DNAAF4: variants seen among roughly 807,000 people sequenced by gnomAD.
DNAAF4 encodes the protein dynein assembly factor 4, axonemal.
In DNAAF4, 43 loss-of-function variants were observed where a neutral mutation model predicts 51.8. The observed-to-expected ratio is 0.83, with a 90% CI of 0.65 to 1.07. The LOEUF (loss-of-function observed/expected upper bound fraction) is 1.07. Ranked by LOEUF, DNAAF4 falls within the 50% of genes least tolerant of loss-of-function variation. The pLI is 0.00. For synonymous variants in DNAAF4, 194 were observed against 165.6 expected (o/e 1.17, Z -1.32); for missense variants, 581 against 493.0 (o/e 1.18, Z -1.69).
chr15:55,502,621 T>C (rs2058705505), intron 1 of DNAAF4, among the ~76,000 whole-genome samples: 1 of 152,192 alleles, frequency 6.6e-6, no homozygotes, highest in African/African-American at 2.4e-5. Flanking sequence ...GAAGATATTT[T>C]TTCTTCCCTA....
At chr15:55,435,899 C>G (rs926039552) in intron 7 of DNAAF4, among the ~76,000 whole-genome samples, 12 of 152,116 alleles carry the variant, frequency 7.9e-5, no homozygotes, top group Non-Finnish European at 4.4e-5. Context: ...AACGATTCTC[C>G]TGCGTCAGCC....
chr15:55,464,090 G>A (rs1185242596), intron 5 of DNAAF4, among the ~76,000 whole-genome samples: 1 of 152,208 alleles, frequency 6.6e-6, no homozygotes, highest in Non-Finnish European at 1.5e-5. Flanking sequence ...AAACAGTATA[G>A]TACTGGTATA....
At chr15:55,422,698 CAG>C (rs2057398346) in intron 7 of DNAAF4, among the ~76,000 whole-genome samples, 1 of 152,092 alleles carries the variant, frequency 6.6e-6, no homozygotes, top group Admixed American at 6.6e-5. Context: ...TGACTTCAAA[CAG>C]AATTATTTCA....
intron 4 of DNAAF4, among the ~76,000 whole-genome samples, chr15:55,485,670 T>A (rs1215452525): frequency 6.6e-6 from 1 of 150,716 alleles, no homozygotes; most frequent in Non-Finnish European, 1.5e-5. Context: ...TAGAAGTGGG[T>A]AATGTACAGA....
Position 55,491,348 on chromosome 15 carries a change from T to G in DNAAF4, c.272-92A>C, listed in dbSNP as rs980180971. The G allele has an allele frequency of 3.8e-6, 5 of 1,310,316 alleles. No individual in the cohort carries two copies. In the Admixed American group the frequency reaches 1.3e-4, roughly 33 times the overall value. The allele number at this position is 1,310,316 out of a possible 1,614,324, so 81.2% of individuals were successfully genotyped here. A position where few individuals can be genotyped will look rare whatever the true frequency, so the allele number is the denominator to read the frequency against. On this transcript the variant is annotated intron_variant, in intron 3 of 9. Coordinates refer to ENST00000321149, the MANE Select transcript of DNAAF4 (RefSeq NM_130810.4). ...TTAAATAAACTGACCCAGGATGAGA[T>G]TTCTTTGTACCCAACTTCACAAGGA...
chr15:55,490,089 G>A (rs2058549968), intron 4 of DNAAF4, among the ~76,000 whole-genome samples: 1 of 152,130 alleles, frequency 6.6e-6, no homozygotes, highest in East Asian at 1.9e-4. Context: ...GGCCAGGCTG[G>A]TGTTGAACTA....
At chr15:55,455,530 C>G (rs546424718) in intron 5 of DNAAF4, among the ~76,000 whole-genome samples, 1 of 151,736 alleles carries the variant, frequency 6.6e-6, no homozygotes, top group South Asian at 2.1e-4. Context: ...CTCCTGGGTT[C>G]AAGTGATTCT....
intron 1 of DNAAF4, among the ~76,000 whole-genome samples, chr15:55,501,677 G>T (rs932751710): frequency 6.6e-6 from 1 of 151,576 alleles, no homozygotes; most frequent in Non-Finnish European, 1.5e-5. Context: ...GCCGGGCCAG[G>T]ATTTCTTAAA....
At chr15:55,467,317 A>C (rs943917542) in intron 4 of DNAAF4, among the ~76,000 whole-genome samples, 156 bp from the exon 5 acceptor site, 1 of 152,170 alleles carries the variant, frequency 6.6e-6, no homozygotes, top group Non-Finnish European at 1.5e-5. Flanking sequence ...TAAAATGGGA[A>C]AGGTAAATGA....
At chr15:55,469,737 A>G (rs1015379959) in intron 4 of DNAAF4, among the ~76,000 whole-genome samples, 6 of 151,606 alleles carry the variant, frequency 4.0e-5, no homozygotes, top group Middle Eastern at 6.9e-3. Context: ...TGATCCGCCC[A>G]CCTTGACCTC....
At chr15:55,419,271 CTGGAATGCAGTGGCATGATCA>C (rs1459527971) in intron 7 of DNAAF4, among the ~76,000 whole-genome samples, 1 of 151,936 alleles carries the variant, frequency 6.6e-6, no homozygotes, top group African/African-American at 2.4e-5. Context: ...CTCACCCAAG[CTGGAATGCAGTGGCATGATCA>C]TGGTTCACTG....
chr15:55,417,956 G>A (rs1196691626), exon 8 of DNAAF4: 1 of 606,260 alleles, frequency 1.6e-6, no homozygotes, highest in Non-Finnish European at 2.8e-6. Context: ...TGAGCCAGGA[G>A]AAGGAATTTC....
intron 6 of DNAAF4, chr15:55,443,430 C>T (rs1044794915): frequency 1.5e-5 from 9 of 597,226 alleles, no homozygotes; most frequent in Admixed American, 6.0e-5. Context: ...GCCACATTTT[C>T]TTAATCCAGT....
chr15:55,446,670 C>T (rs1200743919), intron 6 of DNAAF4, among the ~76,000 whole-genome samples: 2 of 149,562 alleles, frequency 1.3e-5, no homozygotes, highest in Non-Finnish European at 1.5e-5. Flanking sequence ...CAGAGGCGCT[C>T]CTCACATCCC....
Position 55,467,171 on chromosome 15 carries a change from T to G in DNAAF4, c.406-10A>C. The stretch of plus-strand genomic sequence containing the variant: ...TCTCTTCTTCTTCAATCTATAACAA[T>G]TGCAATTACCAAATTCTTTAAAATA... On this transcript the variant is annotated splice_polypyrimidine_tract_variant and intron_variant, in intron 4 of 9. Coordinates refer to ENST00000321149, the MANE Select transcript of DNAAF4 (RefSeq NM_130810.4). The G allele has an allele frequency of 6.6e-7, 1 of 1,509,802 alleles. No individual in the cohort carries two copies. Among genetic ancestry groups the G allele is most frequent in the South Asian group, 1.3e-5 (1 of 79,414 alleles). 93.5% of individuals were successfully genotyped at this position (1,509,802 alleles called of 1,614,324 possible).
chr15:55,432,455 G>C (rs200355747), intron 9 of DNAAF4, 42 bp downstream of exon 9: 1 of 1,483,012 alleles, frequency 6.7e-7, no homozygotes, highest in South Asian at 1.2e-5. Flanking sequence ...ATTTTTTTCA[G>C]AGTATAACTT....
intron 4 of DNAAF4, among the ~76,000 whole-genome samples, chr15:55,469,704 A>C (rs1595927551): frequency 6.6e-6 from 1 of 151,100 alleles, no homozygotes; most frequent in African/African-American, 2.4e-5. Flanking sequence ...GTTAGCCAGG[A>C]TGGTCTCGAT....
At chr15:55,443,458 T>C (rs373116644) in intron 6 of DNAAF4, 2 of 576,476 alleles carry the variant, frequency 3.5e-6, no homozygotes, top group South Asian at 2.2e-5. Flanking sequence ...TGATGGACAT[T>C]TGGGTTGGTT....
At chr15:55,468,920 G>A (rs934757731) in intron 4 of DNAAF4, among the ~76,000 whole-genome samples, 8 of 152,092 alleles carry the variant, frequency 5.3e-5, no homozygotes, top group African/African-American at 1.9e-4. Flanking sequence ...GAGAAACCAA[G>A]AAAGGCTTCA....
Sources: allele counts gnomAD v4.1 joint callset (sites outside exome capture counted in the v4.1 genomes callset), GRCh38; gene constraint gnomAD v4.1.1; transcripts MANE v1.5; gene names NCBI Gene and HGNC (gene_info 2026-07-23, HGNC 2026-07-21).